Variants in ZNF385D observed in about 807,000 individuals in gnomAD.
The protein encoded by ZNF385D is zinc finger protein 385D.
In ZNF385D, 15 loss-of-function variants were observed where a neutral mutation model predicts 35.8. That is an observed-to-expected ratio of 0.42 (90% CI 0.28 to 0.64). The LOEUF (loss-of-function observed/expected upper bound fraction) is 0.64. Ranked by LOEUF, ZNF385D falls within the 30% of genes least tolerant of loss-of-function variation. ZNF385D has a pLI of 0.23. For missense variants in ZNF385D, 474 were observed against 494.6 expected (o/e 0.96, Z 0.39); for synonymous variants, 212 against 186.8 (o/e 1.13, Z -1.10).
intron 3 of ZNF385D, among the ~76,000 whole-genome samples, chr3:22,124,039 TTCTA>T (rs1230598580): frequency 6.8e-6 from 1 of 147,710 alleles, no homozygotes; most frequent in African/African-American, 2.5e-5. Flanking sequence ...GTCTTATTCA[TTCTA>T]TCTAACTATT....
At chr3:22,030,467 GAGAGAGAGAGACAC>G (rs1432790681) in intron 3 of ZNF385D, among the ~76,000 whole-genome samples, 1 of 150,234 alleles carries the variant, frequency 6.7e-6, no homozygotes, top group Non-Finnish European at 1.5e-5. Context: ...GAGAGGGAGG[GAGAGAGAGAGACAC>G]AGAGAGAGAA....
chr3:22,212,548 G>A (rs1355460615), intron 2 of ZNF385D, among the ~76,000 whole-genome samples: 1 of 151,896 alleles, frequency 6.6e-6, no homozygotes, highest in Non-Finnish European at 1.5e-5. Context: ...TCTCTAAAAT[G>A]TCAGGTTTTA....
intron 4 of ZNF385D, among the ~76,000 whole-genome samples, chr3:21,489,786 G>T (rs1705289282): frequency 6.6e-6 from 1 of 152,104 alleles, no homozygotes; most frequent in Non-Finnish European, 1.5e-5. Flanking sequence ...AGTCTAGGAA[G>T]TTCCTGGTTC....
At chr3:22,202,898 G>T (rs765745185) in intron 2 of ZNF385D, among the ~76,000 whole-genome samples, 1 of 152,086 alleles carries the variant, frequency 6.6e-6, no homozygotes, top group Non-Finnish European at 1.5e-5. Flanking sequence ...TTGAGTTTTG[G>T]CAAGACTTGC....
At chr3:21,580,816 T>C (rs1171406523) in intron 2 of ZNF385D, among the ~76,000 whole-genome samples, 1 of 152,062 alleles carries the variant, frequency 6.6e-6, no homozygotes, top group Admixed American at 6.6e-5. Context: ...TGTATATATA[T>C]ATATGTATAT....
rs1443329470 is a variant in ZNF385D, at chr3:21,421,154, GTTTGT to G, written c.*55_*59del. ...AATAAACACTGCATAGTTCTCTTTT[GTTTGT>G]TTTGTTTTTTGTTTTTTGAAAAATT... On this transcript the variant is annotated 3_prime_UTR_variant, in exon 8 of 8. Coordinates refer to ENST00000281523, the MANE Select transcript of ZNF385D (RefSeq NM_024697.3). The G allele has an allele frequency of 3.8e-6, 5 of 1,327,432 alleles. No individual in the cohort carries two copies. In the East Asian group the frequency reaches 1.1e-4, roughly 28 times the overall value. The allele number at this position is 1,327,432 out of a possible 1,614,324, so 82.2% of individuals were successfully genotyped here. A position where few individuals can be genotyped will look rare whatever the true frequency, so the allele number is the denominator to read the frequency against.
chr3:22,172,699 A>C (rs1248552734), intron 2 of ZNF385D, among the ~76,000 whole-genome samples: 3 of 152,208 alleles, frequency 2.0e-5, no homozygotes, highest in Admixed American at 2.0e-4. Flanking sequence ...AAGCTGGAGC[A>C]ACTTGAGCAA....
chr3:22,085,353 A>G (rs568394732), intron 3 of ZNF385D, among the ~76,000 whole-genome samples: 1 of 152,344 alleles, frequency 6.6e-6, no homozygotes, highest in African/African-American at 2.4e-5. Flanking sequence ...AAGAAAAGAG[A>G]GAAGAATCAA....
intron 3 of ZNF385D, among the ~76,000 whole-genome samples, chr3:21,983,895 T>G (rs577218502): frequency 5.7e-4 from 75 of 131,808 alleles, no homozygotes; most frequent in Middle Eastern, 3.7e-3. Flanking sequence ...TGGTTTTGAT[T>G]TGCATTTCCC....
chr3:21,480,019 C>G (rs1704506617), intron 4 of ZNF385D, among the ~76,000 whole-genome samples: 1 of 151,958 alleles, frequency 6.6e-6, no homozygotes, highest in African/African-American at 2.4e-5. Flanking sequence ...TATCATTTCC[C>G]CATATTAAAA....
intron 2 of ZNF385D, among the ~76,000 whole-genome samples, chr3:22,330,040 A>C (rs1694862643): frequency 6.6e-6 from 1 of 152,186 alleles, no homozygotes; most frequent in South Asian, 2.1e-4. Context: ...TTGTGTATTA[A>C]TCTAATTGTC....
At chr3:21,637,566 G>C (rs1317818958) in intron 2 of ZNF385D, among the ~76,000 whole-genome samples, 1 of 151,976 alleles carries the variant, frequency 6.6e-6, no homozygotes, top group Non-Finnish European at 1.5e-5. Context: ...TGTTATTTTT[G>C]CTTAGTCTTG....
intron 2 of ZNF385D, among the ~76,000 whole-genome samples, chr3:21,647,729 C>T (rs1041172684): frequency 6.6e-6 from 1 of 152,100 alleles, no homozygotes; most frequent in Admixed American, 6.6e-5. Flanking sequence ...TAAAGCACAT[C>T]ACTTTTCATT....
intron 2 of ZNF385D, among the ~76,000 whole-genome samples, chr3:22,237,421 A>G (rs1699249087): frequency 6.6e-6 from 1 of 152,114 alleles, no homozygotes; most frequent in Admixed American, 6.6e-5. Context: ...CTCTTACTAC[A>G]TATATGATTT....
intron 2 of ZNF385D, among the ~76,000 whole-genome samples, chr3:21,634,593 T>C (rs1268126778): frequency 6.6e-6 from 1 of 152,052 alleles, no homozygotes; most frequent in African/African-American, 2.4e-5. Flanking sequence ...GTCAATAAAA[T>C]GTGAATATCA....
At chr3:22,169,415 G>C (rs778825135) in intron 2 of ZNF385D, among the ~76,000 whole-genome samples, 3 of 152,202 alleles carry the variant, frequency 2.0e-5, no homozygotes, top group Non-Finnish European at 4.4e-5. Context: ...TAAGCATTCA[G>C]TTTATCTCTA....
chr3:22,018,235 A>G (rs990685099), intron 3 of ZNF385D, among the ~76,000 whole-genome samples: 45 of 149,742 alleles, frequency 3.0e-4, no homozygotes, highest in African/African-American at 9.6e-4. Flanking sequence ...TAAGAGGGAT[A>G]TGTGTTTTTT....
At chr3:22,200,321 A>C (rs1376706005) in intron 2 of ZNF385D, among the ~76,000 whole-genome samples, 1 of 152,082 alleles carries the variant, frequency 6.6e-6, no homozygotes, top group African/African-American at 2.4e-5. Flanking sequence ...CAAAAGAGAG[A>C]AATTTTAAAA....
At chr3:22,100,838 TTAAAA>T (rs1194466766) in intron 3 of ZNF385D, among the ~76,000 whole-genome samples, 1 of 150,538 alleles carries the variant, frequency 6.6e-6, no homozygotes, top group Non-Finnish European at 1.5e-5. Flanking sequence ...TATAATAATA[TTAAAA>T]TAAAAAAAAG....
Sources: allele counts gnomAD v4.1 joint callset (sites outside exome capture counted in the v4.1 genomes callset), GRCh38; gene constraint gnomAD v4.1.1; transcripts MANE v1.5; gene names NCBI Gene and HGNC (gene_info 2026-07-23, HGNC 2026-07-21).